Variants in RNF168 observed in about 807,000 individuals in gnomAD.
RNF168 encodes ring finger protein 168, also known as E3 ubiquitin-protein ligase RNF168.
Under a neutral mutation model 34.9 loss-of-function variants are expected in RNF168, and 34 were observed. That is an observed-to-expected ratio of 0.97 (90% confidence interval 0.74 to 1.30). RNF168 has a LOEUF of 1.30. RNF168 is among the 50% of genes most tolerant of loss of function. The pLI is 0.00. For missense variants in RNF168, 725 were observed against 682.5 expected, an observed-to-expected ratio of 1.06 and a Z score of -0.69; for synonymous variants, 264 against 254.7, an observed-to-expected ratio of 1.04 and a Z score of -0.35.
chr3:196,478,243 G>A (rs560752535), intron 4 of RNF168, among the ~76,000 whole-genome samples: 30 of 151,606 alleles, frequency 2.0e-4, no homozygotes, highest in South Asian at 1.0e-3. Context: ...GCCTCCTTAC[G>A]TATTTTAAGT....
At chr3:196,501,008 GCC>G (rs1347783458) in intron 1 of RNF168, among the ~76,000 whole-genome samples, 1 of 152,236 alleles carries the variant, frequency 6.6e-6, no homozygotes, top group Non-Finnish European at 1.5e-5. Context: ...GCCGCGCCCG[GCC>G]CCGCAATTTT....
At chr3:196,489,366 A>ACC (rs1188949118) in intron 1 of RNF168, among the ~76,000 whole-genome samples, 2 of 149,180 alleles carry the variant, frequency 1.3e-5, no homozygotes, top group Non-Finnish European at 3.0e-5. Context: ...TTGCTCTGTC[A>ACC]CCCAGGCTGG....
chr3:196,486,756 G>C (rs910941054), intron 3 of RNF168, among the ~76,000 whole-genome samples: 1 of 152,252 alleles, frequency 6.6e-6, no homozygotes, highest in African/African-American at 2.4e-5. Flanking sequence ...ATTCTTCACT[G>C]AATAGCTTTC....
rs773963576 is a variant in RNF168 at position 196,472,352 on chromosome 3, AG to A, written c.1182del (p.Phe395LeufsTer29). ...EISKRKNQES[S>X]FEAVKDPCFS... ...AAGCATGGATCCTTGACTGCTTCAA[AG>A]GAAGATTCTTGGTTTTTTCTTTTGG... is the stretch of plus-strand genomic sequence containing the variant. On this transcript the variant is annotated frameshift_variant, in exon 6 of 6. Transcript: ENST00000318037. LOFTEE classifies it low-confidence loss of function (END_TRUNC). The A allele has an allele frequency of 5.6e-6, 9 of 1,613,926 alleles. No homozygotes were observed. In the African/African-American group the frequency reaches 9.3e-5, roughly 17 times the overall value.
chr3:196,479,199 G>A (rs906955671), intron 4 of RNF168, among the ~76,000 whole-genome samples: 2 of 144,892 alleles, frequency 1.4e-5, no homozygotes, highest in African/African-American at 5.1e-5. Context: ...TTTTAGTAGA[G>A]ATGGGGTTTC....
chr3:196,494,940 T>C (rs1419559995), intron 1 of RNF168, among the ~76,000 whole-genome samples: 1 of 152,164 alleles, frequency 6.6e-6, no homozygotes, highest in Admixed American at 6.5e-5. Flanking sequence ...GGAGGATTGC[T>C]TGAGCCCGGG....
chr3:196,499,240 C>T (rs1732823408), intron 1 of RNF168, among the ~76,000 whole-genome samples: 1 of 151,874 alleles, frequency 6.6e-6, no homozygotes, highest in South Asian at 2.1e-4. Context: ...ACTCTACGTG[C>T]CAATGGAGGC....
In RNF168 at chr3:196,487,371, T is replaced by C. The variant is rs759342318; in HGVS notation, c.558+28A>G. On this transcript the variant is annotated intron_variant, in intron 3 of 5. Transcript: ENST00000318037. Reference sequence around the variant, plus strand: ...AGCAGCGCATACCAAGGGATGACCATACCTTAGCGTTCCCTCCTAAAACTT... The same window carrying C: ...AGCAGCGCATACCAAGGGATGACCACACCTTAGCGTTCCCTCCTAAAACTT... 1.9e-6 allele frequency: 3 copies of C among 1,591,520 alleles called. No homozygotes were observed. In the South Asian group the frequency reaches 3.3e-5, roughly 18 times the overall value.
At chr3:196,475,175 TA>T (rs1732114385) in intron 5 of RNF168, 55 bp downstream of exon 5, 2 of 970,762 alleles carry the variant, frequency 2.1e-6, no homozygotes, top group Non-Finnish European at 3.4e-6. Flanking sequence ...TGGATAGCAC[TA>T]ATCTACAGCA....
intron 3 of RNF168, among the ~76,000 whole-genome samples, chr3:196,485,237 G>C (rs1237559290): frequency 6.6e-6 from 1 of 152,178 alleles, no homozygotes; most frequent in East Asian, 1.9e-4. Flanking sequence ...GTTGGGCATG[G>C]TGGTTCATGC....
At chr3:196,496,870 C>G (rs1732755290) in intron 1 of RNF168, among the ~76,000 whole-genome samples, 1 of 152,122 alleles carries the variant, frequency 6.6e-6, no homozygotes, top group South Asian at 2.1e-4. Context: ...GGAGGACGGG[C>G]ACGATGGCTC....
intron 3 of RNF168, among the ~76,000 whole-genome samples, chr3:196,485,646 T>C (rs2108649468): frequency 6.6e-6 from 1 of 152,314 alleles, no homozygotes; most frequent in Non-Finnish European, 1.5e-5. Flanking sequence ...TCTAAAGCGA[T>C]TCTACTTAAA....
chr3:196,487,845 A>AC (rs1262476864), intron 2 of RNF168, among the ~76,000 whole-genome samples: 1 of 152,114 alleles, frequency 6.6e-6, no homozygotes, highest in Non-Finnish European at 1.5e-5. Flanking sequence ...TTGAAGACTA[A>AC]CAAAAAAAGA....
In RNF168 at chr3:196,469,947, G is replaced by C. The variant is rs1731959981; in HGVS notation, c.*1872C>G. Reference sequence around the variant, plus strand: ...TTTGATTCTGATGCCTGATAGTAGGGTGTGAAAAGCTGTAAAACCCAAATG... The same window carrying C: ...TTTGATTCTGATGCCTGATAGTAGGCTGTGAAAAGCTGTAAAACCCAAATG... On this transcript the variant is annotated 3_prime_UTR_variant, in exon 6 of 6. Transcript: ENST00000318037. The C allele has an allele frequency of 8.5e-6, 1 of 117,378 alleles. No individual in the cohort carries two copies. Among genetic ancestry groups the C allele is most frequent in the Non-Finnish European group, 2.1e-5 (1 of 46,780 alleles). 7.3% of individuals were successfully genotyped at this position (117,378 alleles called of 1,614,324 possible). A position where few individuals can be genotyped will look rare whatever the true frequency, so the allele number is the denominator to read the frequency against.
intron 4 of RNF168, among the ~76,000 whole-genome samples, chr3:196,481,755 G>A: frequency 8.3e-6 from 1 of 119,776 alleles, no homozygotes; most frequent in Non-Finnish European, 1.6e-5. Context: ...TTGGGCTCAA[G>A]CAATTCTCCC....
chr3:196,489,683 T>C (rs907224327), intron 1 of RNF168, among the ~76,000 whole-genome samples: 2 of 152,122 alleles, frequency 1.3e-5, no homozygotes, highest in Non-Finnish European at 2.9e-5. Flanking sequence ...GAAATAGAGA[T>C]AATTGATACA....
In RNF168 at chr3:196,494,474, A is replaced by G. The variant is rs539744082; in HGVS notation, c.302-5791T>C. Among the ~76,000 whole-genome samples the G allele has an allele frequency of 1.4e-3, 208 of 152,374 alleles. 1 individual carries two copies. Among genetic ancestry groups the G allele is most frequent in the African/African-American group, 4.8e-3 (200 of 41,584 alleles). ...ATGTATAATACTGGATGAAAAATAA[A>G]AATAAATAATAAGCCTTAACTTGAA... On this transcript the variant is annotated intron_variant, in intron 1 of 5. Transcript: ENST00000318037.
intron 1 of RNF168, among the ~76,000 whole-genome samples, chr3:196,500,678 T>C (rs1274176737): frequency 6.6e-6 from 1 of 152,336 alleles, no homozygotes. Flanking sequence ...AAAACATTTT[T>C]AAGTGGTTAA....
chr3:196,488,715 T>C (rs376982185), intron 1 of RNF168, 32 bp from the exon 2 acceptor site: 23 of 1,380,690 alleles, frequency 1.7e-5, no homozygotes, highest in Non-Finnish European at 2.3e-5. Flanking sequence ...AATAACATTA[T>C]AGGCAACACA....
Sources: gnomAD v4.1 joint callset for allele counts (sites outside exome capture counted in the v4.1 genomes callset) on GRCh38, gnomAD v4.1.1 for gene constraint, MANE v1.5 for transcripts, NCBI Gene and HGNC (gene_info 2026-07-23, HGNC 2026-07-21) for gene names.